Variants in CACNA1B observed in about 807,000 individuals in gnomAD.
CACNA1B encodes the protein voltage-dependent N-type calcium channel subunit alpha-1B.
CACNA1B carries 70 observed loss-of-function variants against 247.2 expected under a neutral mutation model. That is an observed-to-expected ratio of 0.28 (90% CI 0.23 to 0.35). The LOEUF (loss-of-function observed/expected upper bound fraction) is 0.35, where lower values mean the gene tolerates loss of function less well. Ranked by LOEUF, CACNA1B falls within the 10% of genes least tolerant of loss-of-function variation. The probability of loss-of-function intolerance (pLI) is 1.00; values close to 1 mark genes in which losing one functional copy is unlikely to be tolerated. For missense variants in CACNA1B, 2,367 were observed against 3,197.4 expected, an observed-to-expected ratio of 0.74 and a Z score of 6.26; for synonymous variants, 1,231 against 1,294.4, an observed-to-expected ratio of 0.95 and a Z score of 1.05.
At position 138,057,733 on chromosome 9, in the gene CACNA1B, G is replaced by T; in HGVS notation, c.3970G>T (p.Gly1324Cys). Reference protein sequence around the residue: ...ESKELERDCRGQYLDYEKEEV... With the variant: ...ESKELERDCRCQYLDYEKEEV... The stretch of plus-strand genomic sequence containing the variant: ...AACCTCCCATGTTCTCATTCCTAGG[G>T]GTCAGTATTTGGATTATGAGAAGGA... The change falls in exon 27 of 47, where the codon GGT becomes TGT. Residue 1324 changes from glycine to cysteine, a missense_variant and splice_region_variant. By Grantham distance (159) the Gly-to-Cys change is radical. This residue lies in a region of CACNA1B where 436 missense variants were observed against 679.5 expected (regional missense o/e 0.64). Coordinates refer to ENST00000371372, the MANE Select transcript of CACNA1B (RefSeq NM_000718.4). This position sits in a 1 kb window ranked among gnomAD's most constrained non-coding sequence, Gnocchi z 4.0. 1 of 1,609,122 alleles carries T rather than the reference G, an allele frequency of 6.2e-7. No individual in the cohort carries two copies. Among genetic ancestry groups the T allele is most frequent in the Non-Finnish European group, 8.5e-7 (1 of 1,176,166 alleles).
chr9:137,880,991 C>T lies in CACNA1B; in HGVS notation c.391-1753C>T, dbSNP rs1956909468. On this transcript the variant is annotated intron_variant, in intron 2 of 46. Coordinates refer to ENST00000371372, the MANE Select transcript of CACNA1B (RefSeq NM_000718.4). This position sits in a 1 kb window ranked among gnomAD's most constrained non-coding sequence, Gnocchi z 4.8. ...GCACACCCATCCCTCCCACCTAAGC[C>T]AGCCTTCAGCCATGGGCTGGGCAGG... is the stretch of plus-strand genomic sequence containing the variant. Among the ~76,000 whole-genome samples, 1 of 152,238 alleles carries T rather than the reference C, an allele frequency of 6.6e-6. No homozygotes were observed. The highest frequency in any genetic ancestry group is 2.4e-5 in the African/African-American group (1 of 41,472).
At chr9:138,026,337 T>G (rs773210686) in intron 20 of CACNA1B, among the ~76,000 whole-genome samples, 8 of 152,174 alleles carry the variant, frequency 5.3e-5, no homozygotes, top group Non-Finnish European at 8.8e-5. Context: ...CTCCCTCACC[T>G]GATTCTCTGT....
intron 12 of CACNA1B, among the ~76,000 whole-genome samples, chr9:137,983,201 C>T (rs535916058): frequency 6.6e-6 from 1 of 152,354 alleles, no homozygotes; most frequent in Admixed American, 6.5e-5. Context: ...AGAGGCTCAA[C>T]ATTTGAATTC....
Position 138,012,541 on chromosome 9 carries a change from C to T in CACNA1B, c.2161-588C>T, listed in dbSNP as rs1055313475. On this transcript the variant is annotated intron_variant, in intron 17 of 46. Coordinates refer to ENST00000371372, the MANE Select transcript of CACNA1B (RefSeq NM_000718.4). The surrounding 1 kb of genome is among the most constrained non-coding windows in gnomAD (Gnocchi z 4.2). The stretch of plus-strand genomic sequence containing the variant: ...GGAGGATCACTTGAGCCTAGGAATT[C>T]AAGAAAAATTAAATTAAAAAAATTT... Among the ~76,000 whole-genome samples, 2 of 151,760 alleles carry T rather than the reference C, an allele frequency of 1.3e-5. No individual in the cohort carries two copies. The highest frequency in any genetic ancestry group is 2.9e-5 in the Non-Finnish European group (2 of 67,958).
rs1309488924 is a variant in CACNA1B, at chr9:137,888,876, C to T, written c.530+5993C>T. 2.0e-5 allele frequency among the ~76,000 whole-genome samples: 3 copies of T among 152,112 alleles called. No homozygotes were observed. Among genetic ancestry groups the T allele is most frequent in the African/African-American group, 7.2e-5 (3 of 41,458 alleles). ...CCCAGCTCAGGGCCCCACAGAGGGTCCCCATGGGCAAGGAGGGTCCACCCA... is the reference window on the plus strand; with the variant it reads ...CCCAGCTCAGGGCCCCACAGAGGGTTCCCATGGGCAAGGAGGGTCCACCCA... On this transcript the variant is annotated intron_variant, in intron 3 of 46. Transcript: ENST00000371372. This position sits in a 1 kb window ranked among gnomAD's most constrained non-coding sequence, Gnocchi z 4.7.
At chr9:138,077,986 C>G (rs942599590) in intron 35 of CACNA1B, 128 bp from the exon 36 acceptor site, 1 of 700,772 alleles carries the variant, frequency 1.4e-6, no homozygotes, top group Non-Finnish European at 2.3e-6. Flanking sequence ...ATCTGTGACC[C>G]AGGCCTGGCA....
intron 20 of CACNA1B, among the ~76,000 whole-genome samples, chr9:138,037,671 C>CA (rs371923498): frequency 0.013 from 1,856 of 141,972 alleles, 22 homozygotes; most frequent in African/African-American, 0.034. Context: ...AAAAAACAAA[C>CA]AAAAAAAAAA....
rs764436965 is a variant in CACNA1B, at chr9:138,120,340, A to G, written c.6206A>G (p.Lys2069Arg). 1.3e-6 allele frequency: 2 copies of G among 1,557,228 alleles called. No homozygotes were observed. Among genetic ancestry groups the G allele is most frequent in the Non-Finnish European group, 1.7e-6 (2 of 1,157,440 alleles). Residue 2069 changes from lysine to arginine, a missense_variant, in exon 45 of 47, where the codon AAG (lysine) becomes AGG (arginine). Lys to Arg is a conservative substitution (Grantham distance 26). Coordinates refer to ENST00000371372, the MANE Select transcript of CACNA1B (RefSeq NM_000718.4). The part of the protein sequence containing the change: ...RRDRKQRSLE[K>R]GPSLSADMDG... Reference sequence around the variant, plus strand: ...GACAGGAAGCAGAGGTCCCTGGAGAAGGGGCCCAGCCTGTCTGCCGATATG... The same window carrying G: ...GACAGGAAGCAGAGGTCCCTGGAGAGGGGGCCCAGCCTGTCTGCCGATATG...
chr9:138,060,863 C>A (rs1959695262), intron 31 of CACNA1B, among the ~76,000 whole-genome samples: 1 of 152,160 alleles, frequency 6.6e-6, no homozygotes, highest in African/African-American at 2.4e-5. Flanking sequence ...TGTTCATCAT[C>A]CCGTTCCCCC....
intron 16 of CACNA1B, among the ~76,000 whole-genome samples, chr9:138,008,187 G>A (rs1463928825): frequency 2.0e-5 from 3 of 152,226 alleles, no homozygotes; most frequent in Admixed American, 6.5e-5. Context: ...AAGAAAGGCA[G>A]CCCCGGTTGT....
chr9:137,878,913 C>A (rs1424174661), intron 1 of CACNA1B, 141 bp from the exon 2 acceptor site: 2 of 586,760 alleles, frequency 3.4e-6, no homozygotes, highest in Middle Eastern at 4.6e-4. Flanking sequence ...AGGCCGCTTC[C>A]GCCAGGAGAG....
intron 15 of CACNA1B, among the ~76,000 whole-genome samples, chr9:137,999,252 AAT>A (rs1958536366): frequency 1.3e-5 from 2 of 151,410 alleles, no homozygotes; most frequent in African/African-American, 4.9e-5. Context: ...AAAAATAAAA[AAT>A]GAATATTGCT....
intron 6 of CACNA1B, among the ~76,000 whole-genome samples, chr9:137,929,532 G>A (rs908641798): frequency 6.6e-6 from 1 of 152,172 alleles, no homozygotes; most frequent in Non-Finnish European, 1.5e-5. Flanking sequence ...TCTAGCCTGT[G>A]TAACAGAGGG....
chr9:137,962,077 G>A (rs1438888295), intron 10 of CACNA1B, among the ~76,000 whole-genome samples: 1 of 152,092 alleles, frequency 6.6e-6, no homozygotes, highest in Non-Finnish European at 1.5e-5. Context: ...GGTCTTTTCA[G>A]GGATTCAATT....
At chr9:138,064,014 C>T (rs1959827122) in intron 31 of CACNA1B, among the ~76,000 whole-genome samples, 1 of 152,150 alleles carries the variant, frequency 6.6e-6, no homozygotes, top group African/African-American at 2.4e-5. Flanking sequence ...AAATGAACAC[C>T]AGCTGTGCCT....
chr9:137,959,265 G>C (rs1298333132), intron 10 of CACNA1B, among the ~76,000 whole-genome samples: 2 of 152,078 alleles, frequency 1.3e-5, no homozygotes, highest in Non-Finnish European at 2.9e-5. Flanking sequence ...AAGAGACAGG[G>C]TTTCACCGTG....
chr9:138,072,175 C>T lies in CACNA1B; in HGVS notation c.4675-1313C>T, dbSNP rs1253093240. ...ATAGCCCGTCCTTGTGCCCACTGGC[C>T]ATGGATATCATTCAAAACCAGTCCT... On this transcript the variant is annotated intron_variant, in intron 32 of 46. Transcript: ENST00000371372. This position sits in a 1 kb window ranked among gnomAD's most constrained non-coding sequence, Gnocchi z 4.5. Among the ~76,000 whole-genome samples, 1 of 152,212 alleles carries T rather than the reference C, an allele frequency of 6.6e-6. No homozygotes were observed. The highest frequency in any genetic ancestry group is 1.5e-5 in the Non-Finnish European group (1 of 68,036).
At chr9:138,053,052 T>A (rs1000304381) in intron 25 of CACNA1B, among the ~76,000 whole-genome samples, 8 of 152,226 alleles carry the variant, frequency 5.3e-5, no homozygotes, top group African/African-American at 1.9e-4. Flanking sequence ...TGGTGATGGC[T>A]GATGACAGGG....
chr9:137,903,690 A>G (rs1268578133), intron 3 of CACNA1B, among the ~76,000 whole-genome samples: 2 of 152,130 alleles, frequency 1.3e-5, no homozygotes, highest in African/African-American at 2.4e-5. Flanking sequence ...TTAGAAATAA[A>G]TATATATTCT....
Sources: allele counts gnomAD v4.1 joint callset (sites outside exome capture counted in the v4.1 genomes callset), GRCh38; gene constraint gnomAD v4.1.1; regional missense constraint gnomAD v4.1.1; non-coding constraint Gnocchi (gnomAD v3.1); transcripts MANE v1.5; gene names NCBI Gene and HGNC (gene_info 2026-07-23, HGNC 2026-07-21).